The following GABARAPL2 variants were observed in gnomAD, a reference collection of about 807,000 sequenced individuals.
GABARAPL2 encodes GABA type A receptor associated protein like 2, also known as gamma-aminobutyric acid receptor-associated protein-like 2.
Under a neutral mutation model 16.9 loss-of-function variants are expected in GABARAPL2, and 11 were observed. The observed-to-expected ratio is 0.65, with a 90% CI of 0.41 to 1.08. The LOEUF (loss-of-function observed/expected upper bound fraction) is 1.08, where lower values mean the gene tolerates loss of function less well. Among genes scored for constraint, GABARAPL2 ranks in the 50% least tolerant of loss-of-function variants. The pLI is 0.00. For missense variants in GABARAPL2, 134 were observed against 142.5 expected (o/e 0.94, Z 0.30); for synonymous variants, 57 against 50.7 (o/e 1.12, Z -0.53).
intron 3 of GABARAPL2, among the ~76,000 whole-genome samples, chr16:75,570,444 G>C (rs1429840559): frequency 6.6e-6 from 1 of 152,144 alleles, no homozygotes; most frequent in Non-Finnish European, 1.5e-5. Flanking sequence ...GGTCTTTTCA[G>C]CTTCCTTAGG....
intron 3 of GABARAPL2, among the ~76,000 whole-genome samples, chr16:75,571,295 A>G (rs895203813): frequency 6.6e-6 from 1 of 152,114 alleles, no homozygotes; most frequent in Non-Finnish European, 1.5e-5. Flanking sequence ...CTGGCCAGAT[A>G]TTATAACTGA....
rs1232080265 is a variant in GABARAPL2, at chr16:75,577,463, AC to A, written c.*96del. On this transcript the variant is annotated 3_prime_UTR_variant, in exon 4 of 4. Coordinates refer to ENST00000037243, the MANE Select transcript of GABARAPL2 (RefSeq NM_007285.7). ...ATTATACCAGAACCTCTTCACATAG[AC>A]CTATTAGTGCATTTGTAACTGGATT... 49 of 758,192 alleles carry A rather than the reference AC, an allele frequency of 6.5e-5. No individual in the cohort carries two copies. In the African/African-American group the frequency reaches 7.8e-4, roughly 12 times the overall value. 47.0% of individuals were successfully genotyped at this position (758,192 alleles called of 1,614,324 possible).
At position 75,566,402 on chromosome 16, in the gene GABARAPL2, C is replaced by G; in HGVS notation, c.-85C>G. ...GTAGTCGCCGCCGTCGCTGCCGCTG[C>G]CGCTGCCGCCGTCGTTGTTGTTGTG... On this transcript the variant is annotated 5_prime_UTR_variant, in exon 1 of 4. Transcript: ENST00000037243. 1.9e-6 allele frequency: 2 copies of G among 1,041,482 alleles called. No individual in the cohort carries two copies. Among genetic ancestry groups the G allele is most frequent in the Non-Finnish European group, 2.9e-6 (2 of 689,700 alleles). 64.5% of individuals were successfully genotyped at this position (1,041,482 alleles called of 1,614,324 possible).
chr16:75,567,979 T>C, intron 2 of GABARAPL2, 58 bp from the exon 3 acceptor site: 1 of 1,381,368 alleles, frequency 7.2e-7, no homozygotes, highest in South Asian at 1.3e-5. Context: ...TCCTCAGCCA[T>C]GTGAGGCCAG....
chr16:75,566,415 C>CGTT lies in GABARAPL2; in HGVS notation c.-63_-61dup. The CGTT allele has an allele frequency of 2.6e-6, 3 of 1,172,052 alleles. No homozygotes were observed. The highest frequency in any genetic ancestry group is 2.5e-6 in the Non-Finnish European group (2 of 802,508). The allele number at this position is 1,172,052 out of a possible 1,614,324, so 72.6% of individuals were successfully genotyped here. A position where few individuals can be genotyped will look rare whatever the true frequency, so the allele number is the denominator to read the frequency against. ...TCGCTGCCGCTGCCGCTGCCGCCGT[C>CGTT]GTTGTTGTTGTGCTCGGTGCGCTGA... On this transcript the variant is annotated 5_prime_UTR_variant, in exon 1 of 4. Transcript: ENST00000037243.
chr16:75,566,563 G>GCGGGTGGGCCC, intron 1 of GABARAPL2, 43 bp downstream of exon 1: 1 of 1,599,192 alleles, frequency 6.3e-7, no homozygotes, highest in Non-Finnish European at 8.5e-7. Flanking sequence ...GGCTGGGGCG[G>GCGGGTGGGCCC]CGGGTGGGCC....
intron 3 of GABARAPL2, among the ~76,000 whole-genome samples, chr16:75,573,186 T>C (rs1252406153): frequency 6.6e-6 from 1 of 152,264 alleles, no homozygotes; most frequent in Non-Finnish European, 1.5e-5. Context: ...CTTCTGCTAA[T>C]AGACTCTCTG....
At chr16:75,566,675 G>C in intron 1 of GABARAPL2, 155 bp downstream of exon 1, 1 of 984,524 alleles carries the variant, frequency 1.0e-6, no homozygotes. Context: ...GCGGCCCCCT[G>C]ACCCCATGTC....
chr16:75,567,786 G>A (rs924590245), intron 2 of GABARAPL2, among the ~76,000 whole-genome samples: 5 of 152,174 alleles, frequency 3.3e-5, no homozygotes, highest in Admixed American at 3.3e-4. Context: ...ATGTGGAAAA[G>A]CTTAGTGGTA....
chr16:75,573,238 A>G (rs1163723815), intron 3 of GABARAPL2, among the ~76,000 whole-genome samples: 1 of 152,226 alleles, frequency 6.6e-6, no homozygotes, highest in Non-Finnish European at 1.5e-5. Context: ...TTCCATTTGC[A>G]TATCCATTTA....
chr16:75,577,065 T>G, intron 3 of GABARAPL2: 1 of 467,896 alleles, frequency 2.1e-6, no homozygotes, highest in Admixed American at 3.5e-5. Context: ...CTTTAAAGGA[T>G]TTACTTGGGA....
chr16:75,576,442 G>A (rs1334796892), intron 3 of GABARAPL2: 1 of 152,216 alleles, frequency 6.6e-6, no homozygotes, highest in Non-Finnish European at 1.5e-5. Context: ...AGGATCTGTT[G>A]TGACTTACCT....
intron 1 of GABARAPL2, 25 bp from the exon 2 acceptor site, chr16:75,566,827 T>C: frequency 6.2e-7 from 1 of 1,607,880 alleles, no homozygotes; most frequent in Non-Finnish European, 8.5e-7. Context: ...GGCGCGGCCG[T>C]CAGCCCCGTT....
At chr16:75,567,334 C>G (rs2151716775) in intron 2 of GABARAPL2, among the ~76,000 whole-genome samples, 1 of 152,316 alleles carries the variant, frequency 6.6e-6, no homozygotes, top group Admixed American at 6.5e-5. Context: ...CTCACCTTGA[C>G]CCTGTCATCC....
At position 75,566,548 on chromosome 16, in the gene GABARAPL2, C is replaced by G. The variant is rs770823189; in HGVS notation, c.34+28C>G. The G allele has an allele frequency of 1.9e-6, 3 of 1,605,292 alleles. No individual in the cohort carries two copies. The East Asian group carries it at 6.8e-5, about 36-fold the overall frequency. On this transcript the variant is annotated intron_variant, in intron 1 of 3. Transcript: ENST00000037243. ...AAGCACTTGGTCGTCGGCCCGGCTGCTGGGGGCTGGGGCGGCGGGTGGGCC... is the reference window on the plus strand; with the variant it reads ...AAGCACTTGGTCGTCGGCCCGGCTGGTGGGGGCTGGGGCGGCGGGTGGGCC...
chr16:75,574,893 C>T (rs1469569927), intron 3 of GABARAPL2, among the ~76,000 whole-genome samples: 2 of 151,696 alleles, frequency 1.3e-5, no homozygotes, highest in Non-Finnish European at 2.9e-5. Flanking sequence ...ATTAGCCAGG[C>T]GTGGTGGCAT....
At chr16:75,577,110 T>G in intron 3 of GABARAPL2, 169 bp from the exon 4 acceptor site, 1 of 555,452 alleles carries the variant, frequency 1.8e-6, no homozygotes, top group Non-Finnish European at 3.2e-6. Context: ...GCAGACTTCA[T>G]TTATTTTAAT....
rs1214554427 is a variant in GABARAPL2 at position 75,566,410 on chromosome 16, G to A, written c.-77G>A. 2.7e-6 allele frequency: 3 copies of A among 1,119,796 alleles called. No homozygotes were observed. The highest frequency in any genetic ancestry group is 1.3e-5 in the South Asian group (1 of 76,314). 69.4% of individuals were successfully genotyped at this position (1,119,796 alleles called of 1,614,324 possible). ...CGCCGTCGCTGCCGCTGCCGCTGCC[G>A]CCGTCGTTGTTGTTGTGCTCGGTGC... On this transcript the variant is annotated 5_prime_UTR_variant, in exon 1 of 4. Transcript: ENST00000037243.
At chr16:75,574,091 A>C (rs1667602784) in intron 3 of GABARAPL2, among the ~76,000 whole-genome samples, 1 of 152,188 alleles carries the variant, frequency 6.6e-6, no homozygotes, top group African/African-American at 2.4e-5. Context: ...AAAGGAATGA[A>C]AGCCACATGA....
Sources: allele counts gnomAD v4.1 joint callset (sites outside exome capture counted in the v4.1 genomes callset), GRCh38; gene constraint gnomAD v4.1.1; transcripts MANE v1.5; gene names NCBI Gene and HGNC (gene_info 2026-07-23, HGNC 2026-07-21).